TUSC3: variants seen among roughly 807,000 people sequenced by gnomAD.
The protein encoded by TUSC3 is dolichyl-diphosphooligosaccharide--protein glycosyltransferase subunit TUSC3.
In TUSC3, 45 loss-of-function variants were observed where a neutral mutation model predicts 44.8. That is an observed-to-expected ratio of 1.00 (90% CI 0.79 to 1.29). TUSC3 has a LOEUF of 1.29. Ranked by LOEUF, TUSC3 falls within the 50% of genes most tolerant of loss-of-function variation. TUSC3 has a pLI of 0.00. For missense variants in TUSC3, 519 were observed against 437.9 expected, an observed-to-expected ratio of 1.19 and a Z score of -1.65; for synonymous variants, 212 against 152.9, an observed-to-expected ratio of 1.39 and a Z score of -2.85.
At chr8:15,768,137 G>A (rs958638165), downstream of TUSC3, among the ~76,000 whole-genome samples, 6 of 145,510 alleles carry the variant, frequency 4.1e-5, no homozygotes, top group East Asian at 4.2e-4. Context: ...GTAAAGTGGG[G>A]AGAGTATTTT....
chr8:15,681,926 A>G (rs1206871055), intron 6 of TUSC3, among the ~76,000 whole-genome samples: 3 of 152,150 alleles, frequency 2.0e-5, no homozygotes, highest in Non-Finnish European at 4.4e-5. Flanking sequence ...TTTACCCAAA[A>G]ATCATTCAGG....
intron 5 of TUSC3, among the ~76,000 whole-genome samples, chr8:15,672,168 C>T (rs774596873): frequency 2.3e-4 from 35 of 151,936 alleles, no homozygotes; most frequent in Admixed American, 6.6e-4. Flanking sequence ...AGTTAAGGAG[C>T]GGTAGGACAT....
intron 6 of TUSC3, among the ~76,000 whole-genome samples, chr8:15,690,865 A>C (rs3988420): frequency 6.6e-6 from 1 of 151,168 alleles, no homozygotes; most frequent in Non-Finnish European, 1.5e-5. Flanking sequence ...CTGTGTGTCT[A>C]TATTTGTACC....
At chr8:15,651,764 A>T (rs1172754051) in intron 3 of TUSC3, among the ~76,000 whole-genome samples, 1 of 152,182 alleles carries the variant, frequency 6.6e-6, no homozygotes, top group Admixed American at 6.5e-5. Context: ...CAACTCAAGC[A>T]AACTAATAAG....
the TUSC3 span, among the ~76,000 whole-genome samples, chr8:15,841,989 T>G: frequency 6.6e-6 from 1 of 152,198 alleles, no homozygotes; most frequent in Non-Finnish European, 1.5e-5. Context: ...GACTACATGG[T>G]TGAATTAAAC....
rs751712413 is a variant in TUSC3, at chr8:15,436,322, C to T, written n.91+19017C>T. 3.3e-5 allele frequency among the ~76,000 whole-genome samples: 5 copies of T among 152,284 alleles called. 1 individual carries two copies. In the Middle Eastern group the frequency reaches 0.014, roughly 414 times the overall value. ...CTGCCTCGTGGACTTACATCAATGG[C>T]AGTTTGTAATGAGAGCATGTGGGAT... On this transcript the variant is annotated intron_variant and non_coding_transcript_variant, in intron 1 of 5. Transcript: ENST00000503191.
At chr8:15,656,628 C>T (rs1057424189) in intron 3 of TUSC3, among the ~76,000 whole-genome samples, 22 of 145,578 alleles carry the variant, frequency 1.5e-4, no homozygotes, top group Middle Eastern at 3.4e-3. Flanking sequence ...CAAGCCCACG[C>T]AACAGCTCTC....
chr8:15,577,290 T>C (rs1472713371), intron 1 of TUSC3, among the ~76,000 whole-genome samples: 4 of 151,680 alleles, frequency 2.6e-5, no homozygotes, highest in Non-Finnish European at 4.4e-5. Flanking sequence ...GTAGTTTCTT[T>C]TGCTGTGCAG....
At chr8:15,747,277 C>G (rs1263422863) in intron 8 of TUSC3, among the ~76,000 whole-genome samples, 2 of 151,904 alleles carry the variant, frequency 1.3e-5, no homozygotes, top group African/African-American at 4.8e-5. Flanking sequence ...TCCTTATTTT[C>G]TTCTGCTTTA....
chr8:15,533,425 G>C (rs1470405279), intron 2 of TUSC3, among the ~76,000 whole-genome samples: 1 of 152,194 alleles, frequency 6.6e-6, no homozygotes. Context: ...GGATGACTTT[G>C]AGTTCTGTCC....
At chr8:15,672,999 G>A (rs1808014762) in intron 5 of TUSC3, among the ~76,000 whole-genome samples, 1 of 151,972 alleles carries the variant, frequency 6.6e-6, no homozygotes. Flanking sequence ...TAGTCTAAAG[G>A]AGTCCCAGTT....
intron 2 of TUSC3, among the ~76,000 whole-genome samples, chr8:15,513,674 G>A (rs894489071): frequency 1.3e-4 from 20 of 152,106 alleles, no homozygotes; most frequent in African/African-American, 4.1e-4. Context: ...AGTTACAGTC[G>A]TTTTGGGTAA....
chr8:15,547,630 A>C (rs1195446783), intron 1 of TUSC3, among the ~76,000 whole-genome samples: 1 of 148,486 alleles, frequency 6.7e-6, no homozygotes, highest in African/African-American at 2.5e-5. Context: ...CAAAATTTAT[A>C]GGTTGAAATC....
chr8:15,558,939 C>G (rs1802362171), intron 1 of TUSC3, among the ~76,000 whole-genome samples: 1 of 150,838 alleles, frequency 6.6e-6, no homozygotes, highest in African/African-American at 2.4e-5. Flanking sequence ...CTTGTTGGTC[C>G]TTTCAAAAAA....
chr8:15,568,979 A>G (rs1353681393), intron 1 of TUSC3, among the ~76,000 whole-genome samples: 1 of 152,002 alleles, frequency 6.6e-6, no homozygotes, highest in Non-Finnish European at 1.5e-5. Context: ...GGAAATAACT[A>G]TTTTGTTTAG....
In TUSC3 at chr8:15,607,667, A is replaced by G. The variant is rs79629551; in HGVS notation, c.139-15413A>G. On this transcript the variant is annotated intron_variant, in intron 1 of 10. Coordinates refer to ENST00000503731, the MANE Select transcript of TUSC3 (RefSeq NM_006765.4). ...AATTGACTGTGCTTGCTTTATCGCA[A>G]CTCCATCTTATGTATCAGCAATCAT... Among the ~76,000 whole-genome samples, 746 of 152,114 alleles carry G rather than the reference A, an allele frequency of 4.9e-3. 16 individuals carry two copies. In the East Asian group the frequency reaches 0.072, roughly 15 times the overall value.
In TUSC3 at chr8:15,588,734, G is replaced by C. The variant is rs560821296; in HGVS notation, c.139-34346G>C. Among the ~76,000 whole-genome samples, 49 of 152,190 alleles carry C rather than the reference G, an allele frequency of 3.2e-4. 1 individual carries two copies. The highest frequency in any genetic ancestry group is 1.2e-3 in the African/African-American group (49 of 41,528). ...TATTTTGAGTTAATTTTTGTATATG[G>C]TGAGAGACAGGGTCCAGTTCACTTT... On this transcript the variant is annotated intron_variant, in intron 1 of 10. Transcript: ENST00000503731.
chr8:15,680,207 A>G (rs1466311995), intron 6 of TUSC3, among the ~76,000 whole-genome samples: 1 of 152,038 alleles, frequency 6.6e-6, no homozygotes, highest in Non-Finnish European at 1.5e-5. Context: ...TGAGCCTTCC[A>G]ATCCATGAGC....
At chr8:15,625,574 A>T (rs1805466340) in intron 2 of TUSC3, among the ~76,000 whole-genome samples, 1 of 152,202 alleles carries the variant, frequency 6.6e-6, no homozygotes, top group Non-Finnish European at 1.5e-5. Context: ...TTCAAGAGCA[A>T]ACACATTTTG....
Sources: allele counts gnomAD v4.1 joint callset (sites outside exome capture counted in the v4.1 genomes callset), GRCh38; gene constraint gnomAD v4.1.1; transcripts MANE v1.5; gene names NCBI Gene and HGNC (gene_info 2026-07-23, HGNC 2026-07-21).